The following MTIF2 variants were observed in gnomAD, a reference collection of about 807,000 sequenced individuals.
MTIF2 encodes the protein translation initiation factor IF-2, mitochondrial.
In MTIF2, 71 loss-of-function variants were observed where a neutral mutation model predicts 83.5. That is an observed-to-expected ratio of 0.85 (90% CI 0.70 to 1.04). The LOEUF is 1.04. Among genes scored for constraint, MTIF2 ranks in the 50% least tolerant of loss-of-function variants. MTIF2 has a pLI of 0.00. For synonymous variants in MTIF2, 319 were observed against 287.1 expected (o/e 1.11, Z -1.12); for missense variants, 957 against 846.5 (o/e 1.13, Z -1.62).
At chr2:55,254,603 T>A in intron 6 of MTIF2, 51 bp downstream of exon 6, 1 of 1,387,356 alleles carries the variant, frequency 7.2e-7, no homozygotes, top group Non-Finnish European at 9.6e-7. Flanking sequence ...AGTGTAAATA[T>A]AACTATGTAG....
rs755672486 is a variant in MTIF2, at chr2:55,243,055, G to A, written c.1590C>T (p.Ala530=). 1.7e-5 allele frequency: 28 copies of A among 1,608,342 alleles called. No homozygotes were observed. Among genetic ancestry groups the A allele is most frequent in the Non-Finnish European group, 2.4e-5 (28 of 1,178,342 alleles). ...IKGDVDGSVE[A]ILNIIDTYDA... is the part of the protein sequence containing the mutation. ...CATAGGTATCTATAATGTTCAAAAT[G>A]GCCTCAACAGAACCATCAACATCAC... Residue 530 remains alanine (A), a synonymous_variant, in exon 13 of 16, where the codon GCC becomes GCT. Transcript: ENST00000263629.
intron 2 of MTIF2, among the ~76,000 whole-genome samples, chr2:55,268,196 T>A (rs1237324855): frequency 6.6e-6 from 1 of 151,610 alleles, no homozygotes; most frequent in Non-Finnish European, 1.5e-5. Flanking sequence ...GAGACTGCAG[T>A]GAGCCGAGAT....
Position 55,252,524 on chromosome 2 carries a change from A to G in MTIF2, c.794T>C (p.Val265Ala). 6.2e-7 allele frequency: 1 copy of G among 1,614,050 alleles called. No homozygotes were observed. Among genetic ancestry groups the G allele is most frequent in the Non-Finnish European group, 8.5e-7 (1 of 1,179,986 alleles). ...VVLVVAADDGVMKQTVESIQH... is the reference protein window; with the variant it reads ...VVLVVAADDGAMKQTVESIQH... Reference sequence around the variant, plus strand: ...AATAGATTCTACAGTTTGTTTCATCACTCCATCATCTGCAGCTACAACCAA... The same window carrying G: ...AATAGATTCTACAGTTTGTTTCATCGCTCCATCATCTGCAGCTACAACCAA... Residue 265 changes from valine to alanine, a missense_variant, in exon 8 of 16, where the codon GTG becomes GCG. Transcript: ENST00000263629.
chr2:55,262,546 T>C (rs1230550023), intron 4 of MTIF2, 119 bp from the exon 5 acceptor site: 27 of 600,820 alleles, frequency 4.5e-5, no homozygotes, highest in South Asian at 1.3e-4. Flanking sequence ...TTTTTCTTTT[T>C]TTTTTTTTTT....
At chr2:55,258,056 T>G (rs1057117901) in intron 5 of MTIF2, among the ~76,000 whole-genome samples, 4 of 152,216 alleles carry the variant, frequency 2.6e-5, no homozygotes, top group Non-Finnish European at 4.4e-5. Context: ...CCTCTGAAAG[T>G]GCTGGGATTA....
intron 5 of MTIF2, among the ~76,000 whole-genome samples, chr2:55,261,588 C>T (rs1318103629): frequency 1.3e-5 from 2 of 151,460 alleles, no homozygotes; most frequent in African/African-American, 2.4e-5. Context: ...GCCTGGGCAA[C>T]GAGAGTGAAA....
intron 9 of MTIF2, among the ~76,000 whole-genome samples, chr2:55,249,036 G>A (rs1414869378): frequency 6.6e-6 from 1 of 152,148 alleles, no homozygotes; most frequent in Non-Finnish European, 1.5e-5. Context: ...CTACTCAAGA[G>A]GCTGAGGTGG....
At chr2:55,243,378 A>G (rs1558554072) in intron 12 of MTIF2, 38 bp downstream of exon 12, 2 of 1,522,426 alleles carry the variant, frequency 1.3e-6, no homozygotes, top group Non-Finnish European at 1.8e-6. Context: ...ACATATATTC[A>G]AAGAATGAAC....
At chr2:55,265,752 T>C (rs531864347) in intron 3 of MTIF2, among the ~76,000 whole-genome samples, 11 of 152,300 alleles carry the variant, frequency 7.2e-5, no homozygotes, top group African/African-American at 2.2e-4. Flanking sequence ...AAAGAATACA[T>C]TGTGAATATT....
At chr2:55,246,939 C>T (rs1676743541) in intron 9 of MTIF2, among the ~76,000 whole-genome samples, 2 of 152,160 alleles carry the variant, frequency 1.3e-5, no homozygotes, top group Non-Finnish European at 2.9e-5. Context: ...GCATATCAAG[C>T]ATGACTTACC....
rs548589985 is a variant in MTIF2, at chr2:55,264,574, C to G, written c.-7-709G>C. ...ACTCTTAGAGTCTCTACACTCCTAC[C>G]TCTCAAGCTTTTGTTATTGTAACCC... On this transcript the variant is annotated intron_variant, in intron 3 of 15. Transcript: ENST00000263629. 4.6e-5 allele frequency among the ~76,000 whole-genome samples: 7 copies of G among 152,194 alleles called. No homozygotes were observed. The East Asian group carries it at 1.4e-3, about 29-fold the overall frequency.
intron 5 of MTIF2, among the ~76,000 whole-genome samples, chr2:55,257,714 T>G (rs931270042): frequency 6.6e-6 from 1 of 152,212 alleles, no homozygotes; most frequent in Admixed American, 6.5e-5. Context: ...CATATAGATA[T>G]GACAGGCATA....
chr2:55,243,954 T>C, intron 11 of MTIF2, 75 bp downstream of exon 11: 2 of 1,225,972 alleles, frequency 1.6e-6, no homozygotes, highest in South Asian at 1.5e-5. Context: ...AATACACATA[T>C]TTGGTATAAC....
At chr2:55,237,199 A>G (rs1675903652) in intron 15 of MTIF2, 89 bp downstream of exon 15, 1 of 1,391,258 alleles carries the variant, frequency 7.2e-7, no homozygotes, top group Non-Finnish European at 9.8e-7. Context: ...GATTATGGGC[A>G]TGAAAGATGA....
rs1480014436 is a variant in MTIF2 at position 55,236,608 on chromosome 2, A to G, written c.*40T>C. On this transcript the variant is annotated 3_prime_UTR_variant, in exon 16 of 16. Coordinates refer to ENST00000263629, the MANE Select transcript of MTIF2 (RefSeq NM_002453.3). Reference sequence around the variant, plus strand: ...AGTAGTAGTGCATTTCTACCTTCAAACAAACAACACGTTGAGTTATTTACA... The same window carrying G: ...AGTAGTAGTGCATTTCTACCTTCAAGCAAACAACACGTTGAGTTATTTACA... 4 of 1,525,396 alleles carry G rather than the reference A, an allele frequency of 2.6e-6. No homozygotes were observed. The East Asian group carries it at 7.0e-5, about 27-fold the overall frequency. 94.5% of individuals were successfully genotyped at this position (1,525,396 alleles called of 1,614,324 possible).
At chr2:55,267,448 C>G (rs189447331) in intron 3 of MTIF2, 121 bp downstream of exon 3, 1 of 152,560 alleles carries the variant, frequency 6.6e-6, no homozygotes, top group Non-Finnish European at 1.5e-5. Flanking sequence ...CGTGAGCCAC[C>G]GCGCCTGGCC....
chr2:55,256,564 G>A (rs1407651852), intron 5 of MTIF2, among the ~76,000 whole-genome samples: 1 of 151,832 alleles, frequency 6.6e-6, no homozygotes, highest in Non-Finnish European at 1.5e-5. Context: ...AAATTAGCTG[G>A]GCATGGTGGC....
chr2:55,256,002 G>C (rs527924751), intron 5 of MTIF2, among the ~76,000 whole-genome samples: 1 of 151,896 alleles, frequency 6.6e-6, no homozygotes, highest in Admixed American at 6.6e-5. Flanking sequence ...TCAGCCCCCT[G>C]AGTAGCTGGG....
At chr2:55,253,600 A>G (rs1056472220) in intron 7 of MTIF2, among the ~76,000 whole-genome samples, 3 of 152,024 alleles carry the variant, frequency 2.0e-5, no homozygotes, top group African/African-American at 7.2e-5. Context: ...GCGGACCACA[A>G]GGTCAGGAGT....
Sources: gnomAD v4.1 joint callset for allele counts (sites outside exome capture counted in the v4.1 genomes callset) on GRCh38, gnomAD v4.1.1 for gene constraint, MANE v1.5 for transcripts, NCBI Gene and HGNC (gene_info 2026-07-23, HGNC 2026-07-21) for gene names.